TSPEAR: variants seen among roughly 807,000 people sequenced by gnomAD.
The protein encoded by TSPEAR is thrombospondin type laminin G domain and EAR repeats, also known as thrombospondin-type laminin G domain and EAR repeat-containing protein.
A neutral mutation model predicts 71.6 loss-of-function variants in TSPEAR; 69 were observed. The ratio of observed to expected loss-of-function variants is 0.96; its 90% CI spans 0.79 to 1.18. TSPEAR has a LOEUF of 1.18. Among genes scored for constraint, TSPEAR ranks in the 50% most tolerant of loss-of-function variants. TSPEAR has a pLI of 0.00. For synonymous variants in TSPEAR, 402 were observed against 387.2 expected (o/e 1.04, Z -0.45); for missense variants, 971 against 894.9 (o/e 1.09, Z -1.09).
intron 2 of TSPEAR, among the ~76,000 whole-genome samples, chr21:44,561,510 C>T (rs587629571): frequency 6.6e-6 from 1 of 152,264 alleles, no homozygotes; most frequent in African/African-American, 2.4e-5. Context: ...GATACCAAAA[C>T]CTGGCAGACA....
At chr21:44,650,005 C>A (rs957739824) in intron 1 of TSPEAR, among the ~76,000 whole-genome samples, 2 of 152,136 alleles carry the variant, frequency 1.3e-5, no homozygotes, top group South Asian at 2.1e-4. Context: ...GAGGACCACT[C>A]GAGCCCAGGA....
At chr21:44,681,781 G>A in intron 1 of TSPEAR, 1 of 1,566,684 alleles carries the variant, frequency 6.4e-7, no homozygotes, top group Non-Finnish European at 8.7e-7. Flanking sequence ...TCCAGGGAGT[G>A]TACAGGTGTG....
rs34221889 is a variant in TSPEAR at position 44,594,822 on chromosome 21, A to ATTTTTT, written c.83-26823_83-26818dup. 6.1e-3 allele frequency among the ~76,000 whole-genome samples: 763 copies of ATTTTTT among 125,468 alleles called. 24 individuals carry two copies. The highest frequency in any genetic ancestry group is 0.044 in the East Asian group (189 of 4,302). The allele number at this position is 125,468 out of a possible 152,430, so 82.3% of individuals were successfully genotyped here. On this transcript the variant is annotated intron_variant, in intron 1 of 11. Coordinates refer to ENST00000323084, the MANE Select transcript of TSPEAR (RefSeq NM_144991.3). Reference sequence around the variant, plus strand: ...TTTTTTCCAAACTTACGGATCTGTGATTTTTTTTTTTTTTTTTTGAGATGC... The same window carrying ATTTTTT: ...TTTTTTCCAAACTTACGGATCTGTGATTTTTTTTTTTTTTTTTTTTTTTTGAGATGC...
rs782658964 is a variant in TSPEAR at position 44,580,526 on chromosome 21, C to T, written c.83-12521G>A. ...GCAGCTCTCTGGGCAGTCGTCCACT[C>T]GCCAGGAGTCAGAGCAAGCGCTGGA... On this transcript the variant is annotated intron_variant, in intron 1 of 11. Coordinates refer to ENST00000323084, the MANE Select transcript of TSPEAR (RefSeq NM_144991.3). 7.4e-6 allele frequency: 12 copies of T among 1,613,558 alleles called. No individual in the cohort carries two copies. The highest frequency in any genetic ancestry group is 4.4e-5 in the South Asian group (4 of 91,044).
At chr21:44,584,561 A>C (rs1225195948) in intron 1 of TSPEAR, among the ~76,000 whole-genome samples, 1 of 152,164 alleles carries the variant, frequency 6.6e-6, no homozygotes, top group East Asian at 1.9e-4. Flanking sequence ...GGCACATAGA[A>C]TCTCTTGCTT....
chr21:44,605,627 G>C (rs374002767), intron 1 of TSPEAR, among the ~76,000 whole-genome samples: 50 of 152,308 alleles, frequency 3.3e-4, no homozygotes, highest in African/African-American at 1.2e-3. Flanking sequence ...GAATGGGATA[G>C]AAATCCCAGA....
intron 1 of TSPEAR, among the ~76,000 whole-genome samples, chr21:44,610,645 G>A (rs587753929): frequency 5.9e-5 from 9 of 152,328 alleles, no homozygotes; most frequent in Non-Finnish European, 8.8e-5. Context: ...GCACTGCCTA[G>A]TGGAGCTGTG....
chr21:44,637,546 C>A (rs782101180), intron 1 of TSPEAR: 4 of 1,613,518 alleles, frequency 2.5e-6, no homozygotes, highest in South Asian at 2.2e-5. Flanking sequence ...TGGTCTGCAC[C>A]CCAGTGAGCT....
intron 9 of TSPEAR, among the ~76,000 whole-genome samples, chr21:44,515,221 A>AACATG (rs2145940153): frequency 6.6e-6 from 1 of 152,382 alleles, no homozygotes; most frequent in Non-Finnish European, 1.5e-5. Flanking sequence ...ATGTTGGCAA[A>AACATG]ACATGAAAGT....
intron 1 of TSPEAR, chr21:44,628,105 T>C: frequency 6.4e-7 from 1 of 1,569,128 alleles, no homozygotes; most frequent in Non-Finnish European, 8.7e-7. Context: ...TGCCAGTCCT[T>C]GGACCTCCCA....
At chr21:44,517,538 A>C (rs1476357946) in intron 9 of TSPEAR, 6 of 343,358 alleles carry the variant, frequency 1.7e-5, no homozygotes, top group Non-Finnish European at 3.5e-5. Flanking sequence ...GTACAGGTCC[A>C]GCTAGGCTGG....
intron 1 of TSPEAR, chr21:44,592,163 C>A: frequency 6.3e-7 from 1 of 1,579,520 alleles, no homozygotes; most frequent in Non-Finnish European, 8.6e-7. Context: ...ACGCAGCAGG[C>A]CTGCTGGCAG....
rs1372930980 is a variant in TSPEAR at position 44,599,172 on chromosome 21, C to CTCTCTCTCTCTCT, written c.83-31168_83-31167insAGAGAGAGAGAGA. ...TCTCTCTCTCTCTCTCTCTCTCTCTCCTTCCATCCCATAGGACCAGATCCT... is the reference window on the plus strand; with the variant it reads ...TCTCTCTCTCTCTCTCTCTCTCTCTCTCTCTCTCTCTCTCTTCCATCCCATAGGACCAGATCCT... On this transcript the variant is annotated intron_variant, in intron 1 of 11. Coordinates refer to ENST00000323084, the MANE Select transcript of TSPEAR (RefSeq NM_144991.3). Among the ~76,000 whole-genome samples the CTCTCTCTCTCTCT allele has an allele frequency of 1.9e-3, 273 of 145,952 alleles. 1 individual carries two copies. The highest frequency in any genetic ancestry group is 3.3e-3 in the South Asian group (15 of 4,570).
intron 1 of TSPEAR, among the ~76,000 whole-genome samples, chr21:44,602,702 A>G (rs951196682): frequency 1.2e-4 from 18 of 152,326 alleles, no homozygotes; most frequent in Admixed American, 6.5e-4. Context: ...CCCCGGGTAC[A>G]TCACCGGGCA....
At chr21:44,508,678 A>G (rs1207950954) in intron 10 of TSPEAR, 2 of 1,210,476 alleles carry the variant, frequency 1.7e-6, no homozygotes, top group South Asian at 1.4e-5. Context: ...TTTCTCGTAC[A>G]TACAGACCCA....
chr21:44,583,729 TTTA>T (rs1165049755), intron 1 of TSPEAR, among the ~76,000 whole-genome samples: 1 of 152,228 alleles, frequency 6.6e-6, no homozygotes, highest in Non-Finnish European at 1.5e-5. Context: ...TTTCCCCAGC[TTTA>T]TTGAGATGTA....
At chr21:44,602,734 C>G (rs1484608628) in intron 1 of TSPEAR, among the ~76,000 whole-genome samples, 1 of 152,192 alleles carries the variant, frequency 6.6e-6, no homozygotes, top group African/African-American at 2.4e-5. Flanking sequence ...ACATCGCACA[C>G]GCAGCGTCCC....
intron 1 of TSPEAR, among the ~76,000 whole-genome samples, chr21:44,584,466 G>A (rs1414503966): frequency 1.3e-5 from 2 of 152,192 alleles, no homozygotes; most frequent in African/African-American, 4.8e-5. Flanking sequence ...TCATCACATG[G>A]TAGTTCTATT....
chr21:44,544,311 C>T (rs966726754), intron 2 of TSPEAR, among the ~76,000 whole-genome samples: 1 of 150,172 alleles, frequency 6.7e-6, no homozygotes, highest in Admixed American at 6.6e-5. Flanking sequence ...AAAAAAAAAT[C>T]AGTGCCTTTT....
Sources: gnomAD v4.1 joint callset for allele counts (sites outside exome capture counted in the v4.1 genomes callset) on GRCh38, gnomAD v4.1.1 for gene constraint, MANE v1.5 for transcripts, NCBI Gene and HGNC (gene_info 2026-07-23, HGNC 2026-07-21) for gene names.